SCN10A: variants seen among roughly 807,000 people sequenced by gnomAD.
SCN10A encodes sodium voltage-gated channel alpha subunit 10, also known as sodium channel protein type 10 subunit alpha.
Under a neutral mutation model 170.7 loss-of-function variants are expected in SCN10A, and 162 were observed. That is an observed-to-expected ratio of 0.95 (90% confidence interval 0.84 to 1.08). The LOEUF (loss-of-function observed/expected upper bound fraction) is 1.08, where lower values mean the gene tolerates loss of function less well. Ranked by LOEUF, SCN10A falls within the 50% of genes least tolerant of loss-of-function variation. The probability of loss-of-function intolerance (pLI) is 0.00; values close to 1 mark genes in which losing one functional copy is unlikely to be tolerated. For synonymous variants in SCN10A, 985 were observed against 904.6 expected, an observed-to-expected ratio of 1.09 and a Z score of -1.59; for missense variants, 2,527 against 2,436.9, an observed-to-expected ratio of 1.04 and a Z score of -0.78.
chr3:38,764,368 G>A (rs76354991), intron 5 of SCN10A, among the ~76,000 whole-genome samples: 30,437 of 151,748 alleles, frequency 0.2, 3,672 homozygotes, highest in East Asian at 0.4. Context: ...CCTTACCTTC[G>A]TCTCACCTTT....
Position 38,697,318 on chromosome 3 carries a change from A to T in SCN10A, c.*31T>A. 1.2e-6 allele frequency: 2 copies of T among 1,607,548 alleles called. No homozygotes were observed. Among genetic ancestry groups the T allele is most frequent in the Non-Finnish European group, 1.7e-6 (2 of 1,175,692 alleles). On this transcript the variant is annotated 3_prime_UTR_variant, in exon 28 of 28. Coordinates refer to ENST00000449082, the MANE Select transcript of SCN10A (RefSeq NM_006514.4). Reference sequence around the variant, plus strand: ...AACACAGAGCAGAAGGACGCATCATAACTGAACATATCCAGGCTGGAGTGT... The same window carrying T: ...AACACAGAGCAGAAGGACGCATCATTACTGAACATATCCAGGCTGGAGTGT...
intron 20 of SCN10A, among the ~76,000 whole-genome samples, chr3:38,721,069 C>T (rs531187706): frequency 7.5e-4 from 114 of 152,316 alleles, no homozygotes; most frequent in African/African-American, 2.7e-3. Context: ...CTTGGCTTTG[C>T]GTCATTGCCA....
chr3:38,780,469 A>C (rs2064126484), intron 4 of SCN10A, among the ~76,000 whole-genome samples: 1 of 152,098 alleles, frequency 6.6e-6, no homozygotes, highest in Admixed American at 6.6e-5. Context: ...GTGACATGAC[A>C]GATTTGCTTA....
At chr3:38,732,459 T>C (rs1216658798) in intron 15 of SCN10A, among the ~76,000 whole-genome samples, 1 of 152,226 alleles carries the variant, frequency 6.6e-6, no homozygotes, top group Non-Finnish European at 1.5e-5. Flanking sequence ...GAATGTGCTG[T>C]GAGACATACA....
intron 1 of SCN10A, among the ~76,000 whole-genome samples, chr3:38,811,611 G>A (rs1484481845): frequency 1.3e-5 from 2 of 152,132 alleles, no homozygotes; most frequent in African/African-American, 2.4e-5. Context: ...TGACTCAGAA[G>A]TGCTACCCAC....
rs151182542 is a variant in SCN10A at position 38,701,840 on chromosome 3, C to T, written c.4656G>A (p.Ala1552=). 1,398 of 1,597,466 alleles carry T rather than the reference C, an allele frequency of 8.8e-4. 9 individuals are homozygous for T. In the African/African-American group the frequency reaches 0.014, roughly 15 times the overall value. ...CCCACCACGTGGCTGCCCACTTACT[C>T]GCAATGGAGAGAACCACCACAATGA... The part of the protein sequence containing the change: ...FDFIVVVLSI[A]SLIFSAILKS... Residue 1552 remains alanine (A), a splice_region_variant and synonymous_variant, in exon 27 of 28, where the codon GCG becomes GCA. Coordinates refer to ENST00000449082, the MANE Select transcript of SCN10A (RefSeq NM_006514.4).
intron 21 of SCN10A, 52 bp from the exon 22 acceptor site, chr3:38,714,132 C>T: frequency 6.2e-7 from 1 of 1,603,574 alleles, no homozygotes. Context: ...GAAAGGCAGT[C>T]CTCGTGGAAG....
chr3:38,715,063 A>G (rs1358836615), intron 21 of SCN10A, among the ~76,000 whole-genome samples: 1 of 152,224 alleles, frequency 6.6e-6, no homozygotes, highest in African/African-American at 2.4e-5. Context: ...TTATTGCACC[A>G]GGACAAAGAA....
intron 23 of SCN10A, among the ~76,000 whole-genome samples, chr3:38,711,299 A>C (rs11710006): frequency 6.6e-6 from 1 of 152,046 alleles, no homozygotes; most frequent in South Asian, 2.1e-4. Flanking sequence ...TATCTTCCAG[A>C]TGGAGAAGTT....
At chr3:38,763,758 T>C (rs2063902085) in intron 5 of SCN10A, among the ~76,000 whole-genome samples, 162 bp from the exon 6 acceptor site, 2 of 152,180 alleles carry the variant, frequency 1.3e-5, no homozygotes, top group Admixed American at 1.3e-4. Flanking sequence ...CTGACACTGA[T>C]TTCATTATTG....
chr3:38,783,423 C>T (rs1490147249), intron 4 of SCN10A, among the ~76,000 whole-genome samples: 1 of 152,144 alleles, frequency 6.6e-6, no homozygotes, highest in African/African-American at 2.4e-5. Flanking sequence ...TTTAGTTTTG[C>T]TTGATTTCAA....
intron 5 of SCN10A, among the ~76,000 whole-genome samples, chr3:38,771,040 G>A (rs2063993409): frequency 6.6e-6 from 1 of 152,122 alleles, no homozygotes; most frequent in African/African-American, 2.4e-5. Context: ...TCACACTTTG[G>A]GAGCTCACAG....
chr3:38,717,980 G>A (rs1448047008), intron 21 of SCN10A, among the ~76,000 whole-genome samples: 3 of 152,180 alleles, frequency 2.0e-5, no homozygotes, highest in Non-Finnish European at 4.4e-5. Context: ...AGGGATTACT[G>A]GCCACAGGTT....
intron 19 of SCN10A, 95 bp downstream of exon 19, chr3:38,723,335 T>G: frequency 1.3e-6 from 2 of 1,482,784 alleles, no homozygotes; most frequent in Non-Finnish European, 1.9e-6. Flanking sequence ...GGGCACAGCT[T>G]GTTTGTCTTC....
Position 38,755,847 on chromosome 3 carries a change from C to G in SCN10A, c.1402G>C (p.Glu468Gln). 6.2e-7 allele frequency: 1 copy of G among 1,614,160 alleles called. No individual in the cohort carries two copies. Among genetic ancestry groups the G allele is most frequent in the Non-Finnish European group, 8.5e-7 (1 of 1,180,040 alleles). Reference sequence around the variant, plus strand: ...GATTTGTTGTCTTCTGTGGAGCCCTCTGACACTCTTGGCTTTATTCTATGC... The same window carrying G: ...GATTTGTTGTCTTCTGTGGAGCCCTGTGACACTCTTGGCTTTATTCTATGC... ...RRHRIKPRVS[E>Q]GSTEDNKSPR... The change falls in exon 11 of 28, where the codon GAG becomes CAG. Residue 468 changes from glutamate (E) to glutamine (Q), a missense_variant. Physicochemically the swap from Glu to Gln is conservative, Grantham distance 29 (BLOSUM62 2). Coordinates refer to ENST00000449082, the MANE Select transcript of SCN10A (RefSeq NM_006514.4).
intron 15 of SCN10A, among the ~76,000 whole-genome samples, chr3:38,729,981 C>T (rs2063498458): frequency 6.6e-6 from 1 of 152,210 alleles, no homozygotes; most frequent in South Asian, 2.1e-4. Context: ...AAGTTACTCT[C>T]CTCATATGGG....
chr3:38,773,345 A>G (rs11716467), intron 4 of SCN10A, among the ~76,000 whole-genome samples: 34,204 of 152,136 alleles, frequency 0.22, 4,541 homozygotes, highest in Admixed American at 0.32. Context: ...TTCAAACAAG[A>G]AACATATATG....
Position 38,739,560 on chromosome 3 carries a change from G to T in SCN10A, c.2235C>A (p.Gly745=), listed in dbSNP as rs759129745. The T allele has an allele frequency of 5.0e-6, 8 of 1,613,998 alleles. No homozygotes were observed. Among genetic ancestry groups the T allele is most frequent in the Non-Finnish European group, 6.8e-6 (8 of 1,180,008 alleles). Reference sequence around the variant, plus strand: ...CAGACAGGCTTCCCTTCTTGGCCACGCCCAGCTCTAGCAGACTCACAGTGA... The same window carrying T: ...CAGACAGGCTTCCCTTCTTGGCCACTCCCAGCTCTAGCAGACTCACAGTGA... ...IIVTVSLLEL[G]VAKKGSLSVL... is the part of the protein sequence containing the mutation. Residue 745 remains glycine, a synonymous_variant, in exon 15 of 28, where the codon GGC becomes GGA. Coordinates refer to ENST00000449082, the MANE Select transcript of SCN10A (RefSeq NM_006514.4).
At chr3:38,722,797 G>A (rs965755565) in intron 19 of SCN10A, among the ~76,000 whole-genome samples, 2 of 152,176 alleles carry the variant, frequency 1.3e-5, no homozygotes, top group Non-Finnish European at 2.9e-5. Context: ...GGCTGGGATG[G>A]GGATTGGGTC....
Sources: gnomAD v4.1 joint callset for allele counts (sites outside exome capture counted in the v4.1 genomes callset) on GRCh38, gnomAD v4.1.1 for gene constraint, MANE v1.5 for transcripts, NCBI Gene and HGNC (gene_info 2026-07-23, HGNC 2026-07-21) for gene names.